Variants in GRID2 observed in about 807,000 individuals in gnomAD.
GRID2 encodes the protein glutamate ionotropic receptor delta type subunit 2.
In GRID2, 33 loss-of-function variants were observed where a neutral mutation model predicts 114.8. The observed-to-expected ratio is 0.29, with a 90% CI of 0.22 to 0.38. The LOEUF (loss-of-function observed/expected upper bound fraction) is 0.38. Ranked by LOEUF, GRID2 falls within the 10% of genes least tolerant of loss-of-function variation. The pLI is 1.00. For synonymous variants in GRID2, 505 were observed against 449.9 expected (o/e 1.12, Z -1.55); for missense variants, 1,184 against 1,257.7 (o/e 0.94, Z 0.89).
chr4:93,016,768 G>A (rs1440277339), intron 2 of GRID2, among the ~76,000 whole-genome samples: 5 of 152,064 alleles, frequency 3.3e-5, no homozygotes, highest in Non-Finnish European at 7.4e-5. Flanking sequence ...GAAGACAAAT[G>A]CAAGCCATAT....
intron 2 of GRID2, among the ~76,000 whole-genome samples, chr4:92,897,524 A>G (rs909707853): frequency 6.6e-6 from 1 of 152,130 alleles, no homozygotes; most frequent in Non-Finnish European, 1.5e-5. Flanking sequence ...GAATCTTTCC[A>G]TGCCACTTCC....
chr4:93,359,525 AT>A (rs1761674384), intron 8 of GRID2, among the ~76,000 whole-genome samples: 1 of 150,442 alleles, frequency 6.6e-6, no homozygotes, highest in African/African-American at 2.4e-5. Context: ...GGTCTTATTC[AT>A]TTTTTTCTGT....
chr4:93,713,084 A>G (rs1294564742), intron 14 of GRID2, among the ~76,000 whole-genome samples: 2 of 152,212 alleles, frequency 1.3e-5, no homozygotes, highest in African/African-American at 4.8e-5. Context: ...GGGTTCTTGA[A>G]ATGAGTTCAA....
At chr4:92,878,292 G>T (rs917820613) in intron 2 of GRID2, among the ~76,000 whole-genome samples, 1 of 152,024 alleles carries the variant, frequency 6.6e-6, no homozygotes. Flanking sequence ...TCAAATATCT[G>T]CTTCACTCAT....
At chr4:93,615,567 A>G (rs962426094) in intron 13 of GRID2, among the ~76,000 whole-genome samples, 2 of 152,014 alleles carry the variant, frequency 1.3e-5, no homozygotes, top group African/African-American at 4.8e-5. Context: ...TGTCTTCCAC[A>G]ATGGTTGAAC....
intron 2 of GRID2, among the ~76,000 whole-genome samples, chr4:92,871,796 A>T (rs1271292094): frequency 6.6e-6 from 1 of 152,196 alleles, no homozygotes; most frequent in Admixed American, 6.5e-5. Flanking sequence ...CCATACTGTG[A>T]AAGACAGGGG....
rs1032538170 is a variant in GRID2, at chr4:92,460,053, T to TATATATATATATATATATATATATAC, written c.89-130077_89-130076insTATATATATATATATATATATATACA. Among the ~76,000 whole-genome samples the TATATATATATATATATATATATATAC allele has an allele frequency of 1.8e-3, 183 of 99,648 alleles. 4 individuals carry two copies. The highest frequency in any genetic ancestry group is 2.8e-3 in the Non-Finnish European group (140 of 49,842). The allele number at this position is 99,648 out of a possible 152,430, so 65.4% of individuals were successfully genotyped here. A position where few individuals can be genotyped will look rare whatever the true frequency, so the allele number is the denominator to read the frequency against. ...CTCACTATATATATATATATATATA[T>TATATATATATATATATATATATATAC]ACACACACAACTTTTTGGTTCTGTT... On this transcript the variant is annotated intron_variant, in intron 1 of 15. Transcript: ENST00000282020.
chr4:93,066,823 A>G lies in GRID2; in HGVS notation c.245-18172A>G, dbSNP rs142842906. 1.2e-3 allele frequency among the ~76,000 whole-genome samples: 179 copies of G among 152,062 alleles called. 2 individuals carry two copies. The highest frequency in any genetic ancestry group is 3.4e-3 in the African/African-American group (140 of 41,522). ...ATTGCTCTTGCACTTTGGGGCCACTATGACGTAAAATAAGAGTTACTTGAA... is the reference window on the plus strand; with the variant it reads ...ATTGCTCTTGCACTTTGGGGCCACTGTGACGTAAAATAAGAGTTACTTGAA... On this transcript the variant is annotated intron_variant, in intron 2 of 15. Transcript: ENST00000282020.
chr4:92,642,302 C>T (rs1224478656), intron 2 of GRID2, among the ~76,000 whole-genome samples: 1 of 151,662 alleles, frequency 6.6e-6, no homozygotes, highest in Non-Finnish European at 1.5e-5. Context: ...CCCTCATCAA[C>T]ATCTGTTATA....
In GRID2 at chr4:93,395,738, ACTTTTGGAGGT is replaced by A. The variant is rs771332403; in HGVS notation, c.1347+31_1347+41del. The A allele has an allele frequency of 3.2e-6, 3 of 941,274 alleles. No individual in the cohort carries two copies. The African/African-American group carries it at 4.9e-5, about 15-fold the overall frequency. 58.3% of individuals were successfully genotyped at this position (941,274 alleles called of 1,614,324 possible). A position where few individuals can be genotyped will look rare whatever the true frequency, so the allele number is the denominator to read the frequency against. ...GTATTATCTGAGCCTCGTGGTTTTG[ACTTTTGGAGGT>A]TACTTTATCCTATATTTCTTTCTTT... On this transcript the variant is annotated intron_variant, in intron 9 of 15. Coordinates refer to ENST00000282020, the MANE Select transcript of GRID2 (RefSeq NM_001510.4).
At position 93,758,003 on chromosome 4, in the gene GRID2, T is replaced by C. The variant is rs1456056867; in HGVS notation, c.2361-11207T>C. On this transcript the variant is annotated intron_variant, in intron 14 of 15. Coordinates refer to ENST00000282020, the MANE Select transcript of GRID2 (RefSeq NM_001510.4). ...AAAGAAAAAGGAACCTCATAGCGTA[T>C]TTGGATTCATGATGGAAAGAAGTTT... is the stretch of plus-strand genomic sequence containing the variant. Among the ~76,000 whole-genome samples, 7 of 152,184 alleles carry C rather than the reference T, an allele frequency of 4.6e-5. No homozygotes were observed. In the East Asian group the frequency reaches 1.4e-3, roughly 29 times the overall value.
At chr4:93,637,212 A>G (rs1273595103) in intron 14 of GRID2, among the ~76,000 whole-genome samples, 1 of 152,190 alleles carries the variant, frequency 6.6e-6, no homozygotes, top group Non-Finnish European at 1.5e-5. Flanking sequence ...ATAGTAGTCG[A>G]CATTCATTGA....
chr4:92,575,686 A>C (rs1369990188), intron 1 of GRID2, among the ~76,000 whole-genome samples: 1 of 152,046 alleles, frequency 6.6e-6, no homozygotes, highest in East Asian at 1.9e-4. Flanking sequence ...GGGGATACTG[A>C]CTGGTTGCCA....
At chr4:93,326,117 A>G (rs1381653301) in intron 8 of GRID2, among the ~76,000 whole-genome samples, 4 of 152,290 alleles carry the variant, frequency 2.6e-5, no homozygotes, top group African/African-American at 9.6e-5. Flanking sequence ...AGGGTTTAGT[A>G]GAGGAAATAG....
chr4:93,462,404 C>T (rs1723833424), intron 11 of GRID2, among the ~76,000 whole-genome samples: 1 of 152,060 alleles, frequency 6.6e-6, no homozygotes, highest in Non-Finnish European at 1.5e-5. Context: ...TCAAATAGCT[C>T]CACAGATGCT....
intron 13 of GRID2, among the ~76,000 whole-genome samples, chr4:93,590,585 T>C: frequency 6.6e-6 from 1 of 152,172 alleles, no homozygotes; most frequent in Non-Finnish European, 1.5e-5. Context: ...TTTCCAATTC[T>C]CTGAAGAAAG....
intron 3 of GRID2, among the ~76,000 whole-genome samples, chr4:93,101,913 T>A (rs983199093): frequency 6.6e-6 from 1 of 152,174 alleles, no homozygotes; most frequent in Non-Finnish European, 1.5e-5. Context: ...AAAATCAAGA[T>A]AAATGTTGTT....
At chr4:93,799,654 T>A (rs1734883919) in intron 1 of GRID2, among the ~76,000 whole-genome samples, 2 of 152,176 alleles carry the variant, frequency 1.3e-5, no homozygotes, top group African/African-American at 4.8e-5. Flanking sequence ...GACTATGTGG[T>A]TATCTGGTAT....
At position 92,788,604 on chromosome 4, in the gene GRID2, A is replaced by G. The variant is rs1739430147; in HGVS notation, c.244+198318A>G. On this transcript the variant is annotated intron_variant, in intron 2 of 15. Transcript: ENST00000282020. ...ATCCACATCCTCATCAATACTTAGT[A>G]TTATTTATCTTCTAAATTCTAATCT... Among the ~76,000 whole-genome samples the G allele has an allele frequency of 2.6e-5, 4 of 151,898 alleles. No homozygotes were observed. In the South Asian group the frequency reaches 8.3e-4, roughly 31 times the overall value.
Sources: gnomAD v4.1 joint callset for allele counts (sites outside exome capture counted in the v4.1 genomes callset) on GRCh38, gnomAD v4.1.1 for gene constraint, MANE v1.5 for transcripts, NCBI Gene and HGNC (gene_info 2026-07-23, HGNC 2026-07-21) for gene names.